The following DACH1 variants were observed in gnomAD, a reference collection of about 807,000 sequenced individuals.
The protein encoded by DACH1 is dachshund homolog 1.
A neutral mutation model predicts 54.2 loss-of-function variants in DACH1; 12 were observed. That is an observed-to-expected ratio of 0.22 (90% CI 0.14 to 0.36). The LOEUF (loss-of-function observed/expected upper bound fraction) is 0.36. Among genes scored for constraint, DACH1 ranks in the 10% least tolerant of loss-of-function variants. DACH1 has a pLI of 1.00. For synonymous variants in DACH1, 386 were observed against 366.2 expected (o/e 1.05, Z -0.62); for missense variants, 805 against 929.8 (o/e 0.87, Z 1.75).
At position 71,866,124 on chromosome 13, in the gene DACH1, C is replaced by A. The variant is rs773785009; in HGVS notation, c.646G>T (p.Asp216Tyr). ...CCCACCAAGTGCTTCAGGAACAGGT[C>A]GAAAGCCTGGGGCAGGCAGATCAGC... ...CELICLPQAFDLFLKHLVGGL... is the reference protein window; with the variant it reads ...CELICLPQAFYLFLKHLVGGL... Residue 216 changes from aspartate (D) to tyrosine (Y), a missense_variant, in exon 1 of 11, where the codon GAC (aspartate) becomes TAC (tyrosine). Physicochemically the swap from Asp to Tyr is radical, Grantham distance 160. This residue lies in a region of DACH1 where 28 missense variants were observed against 75.7 expected (regional missense o/e 0.37). Transcript: ENST00000613252. 3.7e-6 allele frequency: 6 copies of A among 1,613,622 alleles called. No homozygotes were observed. The highest frequency in any genetic ancestry group is 5.1e-6 in the Non-Finnish European group (6 of 1,179,830).
chr13:71,769,513 C>T (rs777250790), intron 1 of DACH1, among the ~76,000 whole-genome samples: 45 of 151,608 alleles, frequency 3.0e-4, no homozygotes, highest in Non-Finnish European at 4.6e-4. Context: ...ACATTGTTAT[C>T]AAGCACCTTG....
intron 1 of DACH1, among the ~76,000 whole-genome samples, chr13:71,803,318 TATG>T (rs1316529911): frequency 2.0e-5 from 3 of 152,140 alleles, no homozygotes; most frequent in Non-Finnish European, 4.4e-5. Context: ...TCTCTAACAG[TATG>T]ATAACATTTT....
intron 1 of DACH1, among the ~76,000 whole-genome samples, chr13:71,820,103 C>T (rs1408627308): frequency 2.6e-5 from 1 of 38,218 alleles, no homozygotes; most frequent in Non-Finnish European, 5.1e-5. Flanking sequence ...CCTGCCTCTA[C>T]CGAAAAAAAA....
intron 2 of DACH1, among the ~76,000 whole-genome samples, chr13:71,647,791 G>A (rs1878391350): frequency 6.6e-6 from 1 of 152,148 alleles, no homozygotes; most frequent in Non-Finnish European, 1.5e-5. Flanking sequence ...AAGCTCCTTG[G>A]AGAATATTAA....
intron 1 of DACH1, among the ~76,000 whole-genome samples, chr13:71,818,348 G>A (rs1888048480): frequency 6.6e-6 from 1 of 152,150 alleles, no homozygotes; most frequent in Non-Finnish European, 1.5e-5. Context: ...GAGGAGATTT[G>A]CATAATGAAA....
At chr13:71,458,334 TC>T (rs1256561593) in intron 10 of DACH1, among the ~76,000 whole-genome samples, 1 of 151,908 alleles carries the variant, frequency 6.6e-6, no homozygotes, top group Non-Finnish European at 1.5e-5. Flanking sequence ...ATATGGCTTC[TC>T]AAAAGATCTA....
chr13:71,762,939 C>T (rs1011907268), intron 1 of DACH1, among the ~76,000 whole-genome samples: 4 of 152,010 alleles, frequency 2.6e-5, no homozygotes, highest in South Asian at 2.1e-4. Context: ...ACATAAGTGA[C>T]GTATCACTGG....
chr13:71,685,045 C>A (rs1483937328), intron 1 of DACH1, among the ~76,000 whole-genome samples: 1 of 152,032 alleles, frequency 6.6e-6, no homozygotes, highest in East Asian at 1.9e-4. Context: ...AAATGTATAG[C>A]CCTTTAACTT....
intron 5 of DACH1, 74 bp downstream of exon 5, chr13:71,559,746 G>T: frequency 6.4e-7 from 1 of 1,568,716 alleles, no homozygotes; most frequent in East Asian, 2.2e-5. Context: ...TTGGAATGAG[G>T]GCATGTTGAT....
chr13:71,651,827 T>C (rs1351902497), intron 2 of DACH1, among the ~76,000 whole-genome samples: 4 of 152,188 alleles, frequency 2.6e-5, no homozygotes, highest in Non-Finnish European at 5.9e-5. Flanking sequence ...GCAAGCTGTA[T>C]TTGTACTAGT....
chr13:71,829,035 A>G lies in DACH1; in HGVS notation c.848+36887T>C, dbSNP rs377698371. Among the ~76,000 whole-genome samples the G allele has an allele frequency of 7.2e-5, 11 of 152,136 alleles. No homozygotes were observed. In the South Asian group the frequency reaches 1.2e-3, roughly 17 times the overall value. On this transcript the variant is annotated intron_variant, in intron 1 of 10. Transcript: ENST00000613252. Reference sequence around the variant, plus strand: ...TTGTCTAATCTGACATTCAGTTCACATTTATGTACTAACGTAAGAAAGTTA... The same window carrying G: ...TTGTCTAATCTGACATTCAGTTCACGTTTATGTACTAACGTAAGAAAGTTA...
At chr13:71,763,948 G>A (rs1885510888) in intron 1 of DACH1, among the ~76,000 whole-genome samples, 1 of 152,056 alleles carries the variant, frequency 6.6e-6, no homozygotes, top group Non-Finnish European at 1.5e-5. Context: ...TCATTTATCT[G>A]TATTTTTAAC....
chr13:71,756,659 T>A (rs1249768915), intron 1 of DACH1, among the ~76,000 whole-genome samples: 1 of 152,124 alleles, frequency 6.6e-6, no homozygotes, highest in Non-Finnish European at 1.5e-5. Flanking sequence ...ACTCACAGTC[T>A]AATGAGGAAG....
At chr13:71,844,146 C>T (rs1432590467) in intron 1 of DACH1, among the ~76,000 whole-genome samples, 1 of 152,120 alleles carries the variant, frequency 6.6e-6, no homozygotes, top group African/African-American at 2.4e-5. Flanking sequence ...TTGAGACTTC[C>T]AAGAGCATCC....
chr13:71,779,439 C>T (rs905795781), intron 1 of DACH1, among the ~76,000 whole-genome samples: 2 of 150,456 alleles, frequency 1.3e-5, no homozygotes, highest in African/African-American at 2.5e-5. Context: ...TTTAACATCA[C>T]CATTTAGAAA....
intron 1 of DACH1, among the ~76,000 whole-genome samples, chr13:71,846,650 G>T (rs1176298155): frequency 1.3e-5 from 2 of 152,252 alleles, no homozygotes; most frequent in African/African-American, 4.8e-5. Flanking sequence ...TAGATAGATA[G>T]ATAGTCTTTG....
rs768301920 is a variant in DACH1 at position 71,489,053 on chromosome 13, G to A, written c.1666C>T (p.Pro556Ser). 6.2e-7 allele frequency: 1 copy of A among 1,613,856 alleles called. No homozygotes were observed. The highest frequency in any genetic ancestry group is 8.5e-7 in the Non-Finnish European group (1 of 1,179,864). ...GQPLPPGFPS[P>S]FLFPDGLSSI... ...GACAGTCCATCAGGAAACAGAAAAG[G>A]AGATGGAAAACCTGGAGGCAGTGGT... Residue 556 changes from proline to serine, a missense_variant, in exon 7 of 11, where the codon CCT (proline) becomes TCT (serine). Physicochemically the swap from Pro to Ser is moderately conservative, Grantham distance 74. This residue lies in a region of DACH1 where 472 missense variants were observed against 545.3 expected (regional missense o/e 0.87). Coordinates refer to ENST00000613252, the MANE Select transcript of DACH1 (RefSeq NM_080759.6).
At chr13:71,580,899 T>C (rs1872794364) in intron 3 of DACH1, among the ~76,000 whole-genome samples, 1 of 152,160 alleles carries the variant, frequency 6.6e-6, no homozygotes, top group African/African-American at 2.4e-5. Flanking sequence ...TGTAATCAAA[T>C]TTAGGACCAC....
At chr13:71,637,584 G>C (rs2138587560) in intron 2 of DACH1, among the ~76,000 whole-genome samples, 1 of 152,228 alleles carries the variant, frequency 6.6e-6, no homozygotes, top group African/African-American at 2.4e-5. Context: ...GCCTTCACTA[G>C]TTTAAATTCT....
Sources: allele counts gnomAD v4.1 joint callset (sites outside exome capture counted in the v4.1 genomes callset), GRCh38; gene constraint gnomAD v4.1.1; regional missense constraint gnomAD v4.1.1; transcripts MANE v1.5; gene names NCBI Gene and HGNC (gene_info 2026-07-23, HGNC 2026-07-21).